Variants in DSCAML1 observed in about 807,000 individuals in gnomAD.
DSCAML1 encodes cell adhesion molecule DSCAML1.
In DSCAML1, 38 loss-of-function variants were observed where a neutral mutation model predicts 200.5. The ratio of observed to expected loss-of-function variants is 0.19; its 90% CI spans 0.15 to 0.25. The LOEUF (loss-of-function observed/expected upper bound fraction) is 0.25. DSCAML1 is among the 10% of genes least tolerant of loss of function. The pLI, the probability that DSCAML1 is intolerant of heterozygous loss-of-function variation, is 1.00. For missense variants in DSCAML1, 2,223 were observed against 2,858.8 expected, an observed-to-expected ratio of 0.78 and a Z score of 5.07; for synonymous variants, 1,215 against 1,165.0, an observed-to-expected ratio of 1.04 and a Z score of -0.87.
intron 11 of DSCAML1, among the ~76,000 whole-genome samples, chr11:117,485,655 AG>A (rs1433206295): frequency 1.3e-5 from 2 of 152,256 alleles, no homozygotes; most frequent in African/African-American, 4.8e-5. Flanking sequence ...CCTATCCCCA[AG>A]GGGTTCCATC....
In DSCAML1 at chr11:117,518,640, C is replaced by G; in HGVS notation, c.1336G>C (p.Glu446Gln). 1 of 1,613,440 alleles carries G rather than the reference C, an allele frequency of 6.2e-7. No homozygotes were observed. Among genetic ancestry groups the G allele is most frequent in the Non-Finnish European group, 8.5e-7 (1 of 1,179,896 alleles). ...TGGCTGCCATCCCGCACGATGGGCT[C>G]ATCGTCGAGGGCCCAGGTGACCGTG... ...PPTVTWALDD[E>Q]PIVRDGSHRT... is the part of the protein sequence containing the mutation. The change falls in exon 7 of 33, where the codon GAG becomes CAG. Residue 446 changes from glutamate (E) to glutamine (Q), a missense_variant. Coordinates refer to ENST00000651296, the MANE Select transcript of DSCAML1 (RefSeq NM_020693.4). This position sits in a 1 kb window ranked among gnomAD's most constrained non-coding sequence, Gnocchi z 6.3.
At chr11:117,482,418 A>G (rs547205545) in intron 11 of DSCAML1, among the ~76,000 whole-genome samples, 4 of 152,350 alleles carry the variant, frequency 2.6e-5, no homozygotes, top group Admixed American at 2.6e-4. Flanking sequence ...TTTTACAGGT[A>G]TGCCATACAT....
chr11:117,584,382 G>A lies in DSCAML1; in HGVS notation c.512-51860C>T, dbSNP rs573890963. Among the ~76,000 whole-genome samples, 203 of 152,298 alleles carry A rather than the reference G, an allele frequency of 1.3e-3. 2 individuals carry two copies. Among genetic ancestry groups the A allele is most frequent in the Admixed American group, 0.013 (201 of 15,304 alleles). On this transcript the variant is annotated intron_variant, in intron 3 of 32. Transcript: ENST00000651296. The stretch of plus-strand genomic sequence containing the variant: ...AGCCAGTGTCTACCCAAGATGGGAT[G>A]TTTAGGAGGAAAAAACCAATCCCAA...
chr11:117,625,151 C>T (rs2052017289), intron 3 of DSCAML1, among the ~76,000 whole-genome samples: 1 of 151,944 alleles, frequency 6.6e-6, no homozygotes, highest in Non-Finnish European at 1.5e-5. Context: ...TCTCCCACCC[C>T]AGACACATGT....
chr11:117,654,248 TAA>T (rs138258396), intron 3 of DSCAML1, among the ~76,000 whole-genome samples: 1,951 of 152,248 alleles, frequency 0.013, 39 homozygotes, highest in African/African-American at 0.044. Flanking sequence ...TCTGAGGTGA[TAA>T]AAGTTTTCTA....
At chr11:117,707,866 T>A (rs1194995827) in intron 3 of DSCAML1, among the ~76,000 whole-genome samples, 3 of 152,226 alleles carry the variant, frequency 2.0e-5, no homozygotes, top group Non-Finnish European at 4.4e-5. Context: ...AGCTGCCTGA[T>A]GGCATTCTGA....
chr11:117,574,543 A>T (rs557396), intron 3 of DSCAML1, among the ~76,000 whole-genome samples: 1 of 151,958 alleles, frequency 6.6e-6, no homozygotes, highest in Non-Finnish European at 1.5e-5. Context: ...TTTAGCATTC[A>T]CCAGTGGACA....
intron 8 of DSCAML1, among the ~76,000 whole-genome samples, chr11:117,507,488 G>A (rs911668802): frequency 3.3e-5 from 5 of 152,222 alleles, no homozygotes; most frequent in Non-Finnish European, 7.3e-5. Flanking sequence ...AACCCAGGCA[G>A]CCCTTTGGAT....
intron 3 of DSCAML1, among the ~76,000 whole-genome samples, chr11:117,670,309 G>C (rs1293938984): frequency 6.6e-6 from 1 of 152,058 alleles, no homozygotes; most frequent in African/African-American, 2.4e-5. Flanking sequence ...CCGCCCCCCA[G>C]ACCGACTCCA....
intron 1 of DSCAML1, among the ~76,000 whole-genome samples, chr11:117,782,729 T>C (rs764166083): frequency 2.6e-5 from 4 of 152,226 alleles, no homozygotes; most frequent in Non-Finnish European, 4.4e-5. Flanking sequence ...CTGACATCCA[T>C]GCAGCAAATA....
intron 3 of DSCAML1, among the ~76,000 whole-genome samples, chr11:117,616,205 C>T (rs570544814): frequency 1.3e-5 from 2 of 152,276 alleles, no homozygotes; most frequent in East Asian, 1.9e-4. Flanking sequence ...GGGGTTCTCA[C>T]CACCTCCCAA....
intron 3 of DSCAML1, among the ~76,000 whole-genome samples, chr11:117,587,550 G>A (rs1240092271): frequency 1.2e-4 from 18 of 152,086 alleles, no homozygotes; most frequent in Admixed American, 1.2e-3. Flanking sequence ...CCAGACGCGG[G>A]GACTGCCCAG....
chr11:117,787,357 CAGTA>C (rs1218463294), intron 1 of DSCAML1, among the ~76,000 whole-genome samples: 1 of 152,174 alleles, frequency 6.6e-6, no homozygotes, highest in Non-Finnish European at 1.5e-5. Flanking sequence ...AGCAGGCAAG[CAGTA>C]AGTATTTGTG....
In DSCAML1 at chr11:117,480,387, CG is replaced by C; in HGVS notation, c.2785+55del. On this transcript the variant is annotated intron_variant, in intron 14 of 32. Coordinates refer to ENST00000651296, the MANE Select transcript of DSCAML1 (RefSeq NM_020693.4). The surrounding 1 kb of genome is among the most constrained non-coding windows in gnomAD (Gnocchi z 4.1). ...CCTCCCAGAGGGCACAGGCAGGACA[CG>C]TGGCACAAGGGGCCATGGCAGGCCA... 6.2e-7 allele frequency: 1 copy of C among 1,604,366 alleles called. No individual in the cohort carries two copies. The highest frequency in any genetic ancestry group is 8.5e-7 in the Non-Finnish European group (1 of 1,175,278).
chr11:117,522,593 A>G (rs2049903564), intron 5 of DSCAML1, among the ~76,000 whole-genome samples: 1 of 152,192 alleles, frequency 6.6e-6, no homozygotes, highest in Non-Finnish European at 1.5e-5. Context: ...GAGTGCAGCC[A>G]AAGCATAAAT....
chr11:117,678,477 A>T (rs554999899), intron 3 of DSCAML1, among the ~76,000 whole-genome samples: 5 of 152,250 alleles, frequency 3.3e-5, no homozygotes, highest in Admixed American at 6.5e-5. Context: ...AACTAAACAA[A>T]CAAGAAAATA....
intron 15 of DSCAML1, 35 bp downstream of exon 15, chr11:117,471,834 G>A (rs561201393): frequency 2.1e-6 from 3 of 1,445,862 alleles, no homozygotes; most frequent in East Asian, 2.3e-5. Context: ...TGATCCCTGA[G>A]GCCATGGGCA....
chr11:117,633,425 AG>A (rs560991509), intron 3 of DSCAML1, among the ~76,000 whole-genome samples: 18 of 152,204 alleles, frequency 1.2e-4, no homozygotes, highest in Non-Finnish European at 2.5e-4. Context: ...ACACAGAAAG[AG>A]GGCTCTGAGT....
At chr11:117,789,590 C>T (rs1366010456) in intron 1 of DSCAML1, among the ~76,000 whole-genome samples, 1 of 152,146 alleles carries the variant, frequency 6.6e-6, no homozygotes, top group Non-Finnish European at 1.5e-5. Flanking sequence ...CATTGTGGAA[C>T]TCAGGAGCAC....
Sources: allele counts gnomAD v4.1 joint callset (sites outside exome capture counted in the v4.1 genomes callset), GRCh38; gene constraint gnomAD v4.1.1; non-coding constraint Gnocchi (gnomAD v3.1); transcripts MANE v1.5; gene names NCBI Gene and HGNC (gene_info 2026-07-23, HGNC 2026-07-21).